ARL15: variants seen among roughly 807,000 people sequenced by gnomAD.
The protein encoded by ARL15 is ADP-ribosylation factor-like protein 15.
ARL15 carries 19 observed loss-of-function variants against 25.2 expected under a neutral mutation model. The observed-to-expected ratio is 0.75, with a 90% CI of 0.53 to 1.10. ARL15 has a LOEUF of 1.10. Ranked by LOEUF, ARL15 falls within the 50% of genes least tolerant of loss-of-function variation. The pLI is 0.00. For missense variants in ARL15, 220 were observed against 246.0 expected (o/e 0.89, Z 0.71); for synonymous variants, 94 against 86.8 (o/e 1.08, Z -0.46).
intron 4 of ARL15, among the ~76,000 whole-genome samples, chr5:54,004,786 T>TGC (rs978991391): frequency 7.5e-5 from 11 of 145,780 alleles, no homozygotes; most frequent in African/African-American, 2.4e-4. Flanking sequence ...TGTGTGTGTG[T>TGC]GCCTGTGTGT....
At chr5:54,095,568 C>G (rs1354414675) in intron 4 of ARL15, among the ~76,000 whole-genome samples, 1 of 152,118 alleles carries the variant, frequency 6.6e-6, no homozygotes, top group Non-Finnish European at 1.5e-5. Flanking sequence ...CTTTAGGTGT[C>G]ATTAGTTCTG....
In ARL15 at chr5:53,959,832, C is replaced by G. The variant is rs904108879; in HGVS notation, c.463-73119G>C. On this transcript the variant is annotated intron_variant, in intron 4 of 4. Transcript: ENST00000504924. ...CTTCCTTTCTTCTTGCATTGTAACT[C>G]CCACACTTAGCACTATCATAGGATA... 2.0e-4 allele frequency among the ~76,000 whole-genome samples: 30 copies of G among 152,116 alleles called. 1 individual carries two copies. Among genetic ancestry groups the G allele is most frequent in the African/African-American group, 7.0e-4 (29 of 41,416 alleles).
rs911626573 is a variant in ARL15 at position 54,006,622 on chromosome 5, A to G, written c.462+106580T>C. ...ATGGAATTAAAAAAGTCTTGTTCAG[A>G]CAAAATAAATAACATTTATTGATTT... On this transcript the variant is annotated intron_variant, in intron 4 of 4. Transcript: ENST00000504924. Among the ~76,000 whole-genome samples the G allele has an allele frequency of 2.0e-4, 30 of 152,226 alleles. 1 individual carries two copies. Among genetic ancestry groups the G allele is most frequent in the African/African-American group, 7.2e-4 (30 of 41,454 alleles).
intron 1 of ARL15, among the ~76,000 whole-genome samples, chr5:54,209,288 T>C (rs990665077): frequency 1.3e-5 from 2 of 151,770 alleles, no homozygotes; most frequent in African/African-American, 4.8e-5. Context: ...GAAGTAGCTA[T>C]ATAAGTACAT....
At chr5:54,150,758 A>ATC (rs1754041086) in intron 3 of ARL15, among the ~76,000 whole-genome samples, 1 of 151,658 alleles carries the variant, frequency 6.6e-6, no homozygotes. Flanking sequence ...AGATTGCACC[A>ATC]CTGCATTCCA....
intron 4 of ARL15, among the ~76,000 whole-genome samples, chr5:54,085,137 T>A (rs1188969742): frequency 5.3e-5 from 8 of 152,182 alleles, no homozygotes; most frequent in Non-Finnish European, 1.0e-4. Flanking sequence ...TGCTACCATG[T>A]CTTTTCTGTA....
intron 3 of ARL15, among the ~76,000 whole-genome samples, chr5:54,131,759 A>G (rs1753445428): frequency 6.6e-6 from 1 of 152,152 alleles, no homozygotes; most frequent in Non-Finnish European, 1.5e-5. Flanking sequence ...CACCAGAATT[A>G]CTGAGTATTG....
chr5:53,915,137 C>T (rs1745597106), intron 4 of ARL15, among the ~76,000 whole-genome samples: 1 of 152,208 alleles, frequency 6.6e-6, no homozygotes, highest in Admixed American at 6.5e-5. Context: ...TTCAGTCCCT[C>T]CTTCCCTCCC....
chr5:54,019,985 C>T (rs927428505), intron 4 of ARL15, among the ~76,000 whole-genome samples: 6 of 152,200 alleles, frequency 3.9e-5, no homozygotes, highest in African/African-American at 1.4e-4. Context: ...GACGCTACAA[C>T]ACCAGACAAA....
At chr5:54,198,365 TGCAGACGA>T in intron 1 of ARL15, among the ~76,000 whole-genome samples, 1 of 152,202 alleles carries the variant, frequency 6.6e-6, no homozygotes, top group South Asian at 2.1e-4. Context: ...TGTCCCTGTT[TGCAGACGA>T]CACAATTGGA....
In ARL15 at chr5:54,236,624, T is replaced by C. The variant is rs377572729; in HGVS notation, c.49-64696A>G. The stretch of plus-strand genomic sequence containing the variant: ...ATGGAGCAGACTGGCCAAAAATAAA[T>C]TTCTATTGGCAACACTTCTGTGAAA... On this transcript the variant is annotated intron_variant, in intron 1 of 4. Transcript: ENST00000504924. Among the ~76,000 whole-genome samples, 6 of 152,334 alleles carry C rather than the reference T, an allele frequency of 3.9e-5. No homozygotes were observed. In the East Asian group the frequency reaches 7.7e-4, roughly 20 times the overall value.
chr5:54,294,842 G>A (rs2112697838), intron 1 of ARL15, among the ~76,000 whole-genome samples: 1 of 152,250 alleles, frequency 6.6e-6, no homozygotes, highest in South Asian at 2.1e-4. Flanking sequence ...AAAGCAATTG[G>A]GATAAATAAT....
intron 4 of ARL15, among the ~76,000 whole-genome samples, chr5:53,957,555 G>C (rs1747199457): frequency 6.6e-6 from 1 of 152,114 alleles, no homozygotes; most frequent in Non-Finnish European, 1.5e-5. Context: ...ACCAAATGGA[G>C]CCAGGCATGG....
intron 4 of ARL15, among the ~76,000 whole-genome samples, chr5:53,898,404 T>C (rs557581212): frequency 5.9e-5 from 9 of 152,300 alleles, no homozygotes; most frequent in Admixed American, 2.6e-4. Flanking sequence ...CTTTAAACGT[T>C]TGGTAGAATT....
At position 53,903,962 on chromosome 5, in the gene ARL15, C is replaced by T. The variant is rs374607302; in HGVS notation, c.463-17249G>A. Among the ~76,000 whole-genome samples the T allele has an allele frequency of 1.0e-3, 159 of 152,046 alleles. No individual in the cohort carries two copies. In the South Asian group the frequency reaches 0.017, roughly 16 times the overall value. On this transcript the variant is annotated intron_variant, in intron 4 of 4. Transcript: ENST00000504924. The stretch of plus-strand genomic sequence containing the variant: ...CAGATATCAAGTAACTAAGTAAAGT[C>T]GGGTAGGAATAAGTGACATGAAGGA...
chr5:54,197,701 G>A (rs1422945892), intron 1 of ARL15, among the ~76,000 whole-genome samples: 4 of 152,150 alleles, frequency 2.6e-5, no homozygotes, highest in Middle Eastern at 6.8e-3. Flanking sequence ...ATTCACAGCT[G>A]AATTCTACCA....
chr5:53,992,309 A>G (rs1748529491), intron 4 of ARL15, among the ~76,000 whole-genome samples: 1 of 92,872 alleles, frequency 1.1e-5, no homozygotes, highest in Non-Finnish European at 2.3e-5. Flanking sequence ...TACAAGTTTA[A>G]ATAAAGACAA....
At chr5:53,945,111 T>C (rs915356151) in intron 4 of ARL15, among the ~76,000 whole-genome samples, 1 of 152,192 alleles carries the variant, frequency 6.6e-6, no homozygotes, top group African/African-American at 2.4e-5. Flanking sequence ...GTGAGTCAGC[T>C]TCCTCGTCTC....
At chr5:54,254,297 T>C (rs530832170) in intron 1 of ARL15, among the ~76,000 whole-genome samples, 3 of 152,294 alleles carry the variant, frequency 2.0e-5, no homozygotes, top group Admixed American at 2.0e-4. Flanking sequence ...CTTGGGTACT[T>C]GCTATATAGC....
Sources: gnomAD v4.1 joint callset for allele counts (sites outside exome capture counted in the v4.1 genomes callset) on GRCh38, gnomAD v4.1.1 for gene constraint, MANE v1.5 for transcripts, NCBI Gene and HGNC (gene_info 2026-07-23, HGNC 2026-07-21) for gene names.